The following IL36G variants were observed in gnomAD, a reference collection of about 807,000 sequenced individuals.
IL36G encodes interleukin-36 gamma.
In IL36G, 10 loss-of-function variants were observed where a neutral mutation model predicts 13.5. That is an observed-to-expected ratio of 0.74 (90% confidence interval 0.46 to 1.26). The LOEUF is 1.26. Among genes scored for constraint, IL36G ranks in the 50% most tolerant of loss-of-function variants. The pLI, the probability that IL36G is intolerant of heterozygous loss-of-function variation, is 0.00. For missense variants in IL36G, 199 were observed against 203.0 expected, an observed-to-expected ratio of 0.98 and a Z score of 0.12; for synonymous variants, 84 against 74.0, an observed-to-expected ratio of 1.13 and a Z score of -0.69.
Position 112,984,919 on chromosome 2 carries a change from C to A in IL36G, c.380C>A (p.Thr127Asn). The change falls in exon 5 of 5, where the codon ACC becomes AAC. Residue 127 changes from threonine to asparagine, a missense_variant. By Grantham distance (65) the Thr-to-Asn change is moderately conservative. Transcript: ENST00000259205. ...TTCTACCGTGCCAAGACTGGTAGGACCTCCACCCTTGAGTCTGTGGCCTTC... is the reference window on the plus strand; with the variant it reads ...TTCTACCGTGCCAAGACTGGTAGGAACTCCACCCTTGAGTCTGTGGCCTTC... The part of the protein sequence containing the change: ...FLFYRAKTGR[T>N]STLESVAFPD... The A allele has an allele frequency of 6.2e-7, 1 of 1,614,118 alleles. No homozygotes were observed. Among genetic ancestry groups the A allele is most frequent in the Non-Finnish European group, 8.5e-7 (1 of 1,179,988 alleles).
Position 112,979,318 on chromosome 2 carries a change from G to C in IL36G, c.153G>C (p.Val51=). Residue 51 remains valine (V), a synonymous_variant, in exon 3 of 5, where the codon GTG becomes GTC. Transcript: ENST00000259205. ...TGGCAGTTCCACGAAGTGACAGTGT[G>C]ACCCCAGGTGAGTGGTCACCCTGTG... ...NLVAVPRSDS[V]TPVTVAVITC... The C allele has an allele frequency of 6.3e-7, 1 of 1,599,254 alleles. No homozygotes were observed. Among genetic ancestry groups the C allele is most frequent in the Middle Eastern group, 1.7e-4 (1 of 6,032 alleles).
rs139474745 is a variant in IL36G, at chr2:112,980,077, T to C, written c.229T>C (p.Leu77=). 8.1e-6 allele frequency: 13 copies of C among 1,613,366 alleles called. No homozygotes were observed. Among genetic ancestry groups the C allele is most frequent in the Middle Eastern group, 1.6e-4 (1 of 6,080 alleles). The change falls in exon 4 of 5, where the codon TTG becomes CTG. Residue 77 remains leucine, a synonymous_variant. Coordinates refer to ENST00000259205, the MANE Select transcript of IL36G (RefSeq NM_019618.4). ...LEQGRGDPIY[L]GIQNPEMCLY... ...GCAAGGCAGAGGGGATCCCATTTAT[T>C]TGGGAATCCAGAATCCAGAAATGTG...
intron 4 of IL36G, 115 bp from the exon 5 acceptor site, chr2:112,984,725 A>G (rs1684323164): frequency 3.5e-6 from 3 of 865,482 alleles, no homozygotes. Flanking sequence ...GCCTGCTCTA[A>G]TAGATGGATA....
intron 3 of IL36G, 150 bp downstream of exon 3, chr2:112,979,475 C>G: frequency 1.7e-6 from 1 of 604,782 alleles, no homozygotes; most frequent in Non-Finnish European, 3.0e-6. Flanking sequence ...TCAGGGAGAA[C>G]TTTGGGTTCC....
chr2:112,981,465 C>T, intron 4 of IL36G: 1 of 630,572 alleles, frequency 1.6e-6, no homozygotes, highest in Non-Finnish European at 2.8e-6. Context: ...GATATAGGCA[C>T]TGGATGCAGG....
Position 112,985,094 on chromosome 2 carries a change from G to T in IL36G, c.*45G>T. 7.2e-7 allele frequency: 1 copy of T among 1,397,626 alleles called. No homozygotes were observed. The highest frequency in any genetic ancestry group is 1.0e-6 in the Non-Finnish European group (1 of 996,938). The allele number at this position is 1,397,626 out of a possible 1,614,324, so 86.6% of individuals were successfully genotyped here. Reference sequence around the variant, plus strand: ...GCTTGGTCTTTGTCTTAAAGTTTCTGGTTCCCAATGTGTTTTCGTCTACAT... The same window carrying T: ...GCTTGGTCTTTGTCTTAAAGTTTCTTGTTCCCAATGTGTTTTCGTCTACAT... On this transcript the variant is annotated 3_prime_UTR_variant, in exon 5 of 5. Coordinates refer to ENST00000259205, the MANE Select transcript of IL36G (RefSeq NM_019618.4).
chr2:112,983,860 A>C (rs1277857046), intron 4 of IL36G, among the ~76,000 whole-genome samples: 1 of 152,190 alleles, frequency 6.6e-6, no homozygotes, highest in Admixed American at 6.5e-5. Flanking sequence ...GAGTAGGTTC[A>C]AGGAGAACAT....
intron 4 of IL36G, among the ~76,000 whole-genome samples, chr2:112,984,175 G>T (rs984754780): frequency 6.6e-6 from 1 of 152,194 alleles, no homozygotes; most frequent in African/African-American, 2.4e-5. Flanking sequence ...GATCATTTCT[G>T]TGTCTCTCTT....
At chr2:112,978,433 C>T (rs868023735) in intron 1 of IL36G, among the ~76,000 whole-genome samples, 187 bp from the exon 2 acceptor site, 1 of 152,154 alleles carries the variant, frequency 6.6e-6, no homozygotes, top group Non-Finnish European at 1.5e-5. Context: ...AAAATTCTAC[C>T]TGTTCTCCCT....
chr2:112,980,872 G>T (rs1684249227), intron 4 of IL36G, among the ~76,000 whole-genome samples: 2 of 152,354 alleles, frequency 1.3e-5, no homozygotes, highest in Admixed American at 1.3e-4. Flanking sequence ...TTTCTGCCAA[G>T]GTGGCCATGT....
intron 4 of IL36G, among the ~76,000 whole-genome samples, chr2:112,983,694 A>T (rs886825207): frequency 6.6e-6 from 1 of 152,166 alleles, no homozygotes; most frequent in African/African-American, 2.4e-5. Context: ...GGCAGCAGGT[A>T]GGCAGGAGCT....
At chr2:112,980,657 C>T (rs764908116) in intron 4 of IL36G, among the ~76,000 whole-genome samples, 2 of 152,194 alleles carry the variant, frequency 1.3e-5, no homozygotes, top group African/African-American at 4.8e-5. Context: ...TGAAGATCCA[C>T]GATCTAGAAA....
chr2:112,985,166 G>T lies in IL36G; in HGVS notation c.*117G>T. On this transcript the variant is annotated 3_prime_UTR_variant, in exon 5 of 5. Coordinates refer to ENST00000259205, the MANE Select transcript of IL36G (RefSeq NM_019618.4). The stretch of plus-strand genomic sequence containing the variant: ...CTGGTGCTGAGACAGGGGCAAGGCT[G>T]CTGTTATCATCTCATTTTATAATGA... The T allele has an allele frequency of 3.0e-6, 2 of 661,682 alleles. No homozygotes were observed. Among genetic ancestry groups the T allele is most frequent in the South Asian group, 1.9e-5 (1 of 52,398 alleles). 41.0% of individuals were successfully genotyped at this position (661,682 alleles called of 1,614,324 possible). A position where few individuals can be genotyped will look rare whatever the true frequency, so the allele number is the denominator to read the frequency against.
intron 4 of IL36G, among the ~76,000 whole-genome samples, chr2:112,984,198 A>C (rs181229056): frequency 6.6e-6 from 1 of 152,256 alleles, no homozygotes; most frequent in African/African-American, 2.4e-5. Context: ...GATCTTGAAC[A>C]CTTGCAATTT....
At chr2:112,982,888 G>A (rs1175804201) in intron 4 of IL36G, among the ~76,000 whole-genome samples, 2 of 152,194 alleles carry the variant, frequency 1.3e-5, no homozygotes, top group African/African-American at 4.8e-5. Context: ...AGCAGATATG[G>A]ACAGCGATTG....
In IL36G at chr2:112,979,214, A is replaced by T; in HGVS notation, c.56-7A>T. The stretch of plus-strand genomic sequence containing the variant: ...TTTCTTCATTTTTTTCTCTATCCCA[A>T]AATCAGTGTGTAAACCTATTACTGG... On this transcript the variant is annotated splice_region_variant and splice_polypyrimidine_tract_variant and intron_variant, in intron 2 of 4. Transcript: ENST00000259205. The T allele has an allele frequency of 1.9e-6, 3 of 1,562,216 alleles. No homozygotes were observed. The highest frequency in any genetic ancestry group is 2.6e-6 in the Non-Finnish European group (3 of 1,132,892).
chr2:112,979,877 T>C lies in IL36G; in HGVS notation c.161-132T>C, dbSNP rs1684233166. On this transcript the variant is annotated intron_variant, in intron 3 of 4. Coordinates refer to ENST00000259205, the MANE Select transcript of IL36G (RefSeq NM_019618.4). Reference sequence around the variant, plus strand: ...AATGAATGAATATGGGGGTTGGCCATTTGGTGGGTCTAGTTGGGATTACAC... The same window carrying C: ...AATGAATGAATATGGGGGTTGGCCACTTGGTGGGTCTAGTTGGGATTACAC... The C allele has an allele frequency of 2.8e-5, 20 of 715,910 alleles. No individual in the cohort carries two copies. The East Asian group carries it at 5.3e-4, about 19-fold the overall frequency. The allele number at this position is 715,910 out of a possible 1,614,324, so 44.3% of individuals were successfully genotyped here. A position where few individuals can be genotyped will look rare whatever the true frequency, so the allele number is the denominator to read the frequency against.
In IL36G at chr2:112,985,159, C is replaced by A; in HGVS notation, c.*110C>A. ...TTTCACGCTGGTGCTGAGACAGGGG[C>A]AAGGCTGCTGTTATCATCTCATTTT... On this transcript the variant is annotated 3_prime_UTR_variant, in exon 5 of 5. Transcript: ENST00000259205. The A allele has an allele frequency of 1.5e-6, 1 of 685,792 alleles. No homozygotes were observed. Among genetic ancestry groups the A allele is most frequent in the Non-Finnish European group, 2.5e-6 (1 of 405,046 alleles). The allele number at this position is 685,792 out of a possible 1,614,324, so 42.5% of individuals were successfully genotyped here. A position where few individuals can be genotyped will look rare whatever the true frequency, so the allele number is the denominator to read the frequency against.
chr2:112,978,545 G>T, intron 1 of IL36G, 75 bp from the exon 2 acceptor site: 1 of 1,149,528 alleles, frequency 8.7e-7, no homozygotes, highest in Non-Finnish European at 1.3e-6. Context: ...TAGAATGAGG[G>T]CCTGTGGAGC....
Sources: gnomAD v4.1 joint callset for allele counts (sites outside exome capture counted in the v4.1 genomes callset) on GRCh38, gnomAD v4.1.1 for gene constraint, MANE v1.5 for transcripts, NCBI Gene and HGNC (gene_info 2026-07-23, HGNC 2026-07-21) for gene names.